SPHKAP: variants seen among roughly 807,000 people sequenced by gnomAD.
SPHKAP encodes SPHK1 interactor, AKAP domain containing.
SPHKAP carries 67 observed loss-of-function variants against 137.5 expected under a neutral mutation model. That is an observed-to-expected ratio of 0.49 (90% CI 0.40 to 0.60). The LOEUF (loss-of-function observed/expected upper bound fraction) is 0.60, where lower values mean the gene tolerates loss of function less well. Among genes scored for constraint, SPHKAP ranks in the 20% least tolerant of loss-of-function variants. The probability of loss-of-function intolerance (pLI) is 0.00; values close to 1 mark genes in which losing one functional copy is unlikely to be tolerated. For synonymous variants in SPHKAP, 813 were observed against 785.3 expected (o/e 1.04, Z -0.59); for missense variants, 2,097 against 2,069.3 (o/e 1.01, Z -0.26).
chr2:227,995,729 A>G, intron 7 of SPHKAP, 35 bp from the exon 8 acceptor site: 1 of 1,507,360 alleles, frequency 6.6e-7, no homozygotes, highest in Non-Finnish European at 8.8e-7. Flanking sequence ...CAAGAGAGGC[A>G]GCACACACAC....
rs748262066 is a variant in SPHKAP at position 228,019,256 on chromosome 2, C to G, written c.1598G>C (p.Ser533Thr). The G allele has an allele frequency of 1.9e-6, 3 of 1,613,854 alleles. No homozygotes were observed. The highest frequency in any genetic ancestry group is 1.7e-6 in the Non-Finnish European group (2 of 1,180,038). The change falls in exon 7 of 12, where the codon AGT (serine) becomes ACT (threonine). Residue 533 changes from serine to threonine, a missense_variant. Transcript: ENST00000392056. ...QVVSNFPPGS[S>T]GALQTQAPQG... is the part of the protein sequence containing the mutation. ...GGGTGCTTGAGTTTGCAGTGCACCACTGCTCCCTGGGGGAAAGTTCGAGAC... is the reference window on the plus strand; with the variant it reads ...GGGTGCTTGAGTTTGCAGTGCACCAGTGCTCCCTGGGGGAAAGTTCGAGAC...
At position 228,019,786 on chromosome 2, in the gene SPHKAP, T is replaced by C. The variant is rs753114636; in HGVS notation, c.1068A>G (p.Ala356=). 4 of 1,614,136 alleles carry C rather than the reference T, an allele frequency of 2.5e-6. No individual in the cohort carries two copies. The highest frequency in any genetic ancestry group is 1.1e-5 in the South Asian group (1 of 91,072). The change falls in exon 7 of 12, where the codon GCA becomes GCG. Residue 356 remains alanine (A), a synonymous_variant. Transcript: ENST00000392056. ...TGCTTCTCTGCTCTGCCACAGCACA[T>C]GCAGAAGGTACATCTTTATCCATCA... ...FSMMDKDVPS[A]CAVAEQRSNL...
chr2:228,091,943 A>G (rs180940085), intron 3 of SPHKAP, among the ~76,000 whole-genome samples: 24 of 152,168 alleles, frequency 1.6e-4, no homozygotes, highest in African/African-American at 5.5e-4. Flanking sequence ...AAAAGAAGTC[A>G]CCATACAAAA....
chr2:228,123,727 CTTTAG>C (rs1452206541), intron 2 of SPHKAP, among the ~76,000 whole-genome samples: 1 of 152,054 alleles, frequency 6.6e-6, no homozygotes, highest in Non-Finnish European at 1.5e-5. Flanking sequence ...TGCAGAAGCT[CTTTAG>C]TTTAATTAGA....
chr2:228,177,000 T>TA (rs147088472), intron 1 of SPHKAP, among the ~76,000 whole-genome samples: 6,251 of 152,214 alleles, frequency 0.041, 172 homozygotes, highest in Non-Finnish European at 0.062. Context: ...AAGAAAAAAC[T>TA]CAGTTCAAAT....
rs1340462372 is a variant in SPHKAP, at chr2:228,006,347, G to A, written c.4448+10059C>T. Among the ~76,000 whole-genome samples the A allele has an allele frequency of 2.0e-5, 3 of 152,078 alleles. No individual in the cohort carries two copies. In the East Asian group the frequency reaches 5.8e-4, roughly 29 times the overall value. On this transcript the variant is annotated intron_variant, in intron 7 of 11. Transcript: ENST00000392056. ...TTGATCGAATCGGCTACTGAAGCTT[G>A]TGCATTCATCATGTAATTCTCGTGC...
intron 1 of SPHKAP, among the ~76,000 whole-genome samples, chr2:228,171,715 C>T (rs1387115010): frequency 1.3e-5 from 2 of 152,244 alleles, no homozygotes; most frequent in South Asian, 2.1e-4. Flanking sequence ...CCCAGCTGTA[C>T]TCACTGTGTA....
At chr2:228,003,032 G>A (rs994869344) in intron 7 of SPHKAP, among the ~76,000 whole-genome samples, 37 of 152,200 alleles carry the variant, frequency 2.4e-4, no homozygotes, top group Non-Finnish European at 4.7e-4. Flanking sequence ...TTTGGCTTAG[G>A]ATTGACTTGG....
intron 3 of SPHKAP, among the ~76,000 whole-genome samples, chr2:228,031,198 AAC>A (rs1695298784): frequency 6.6e-6 from 1 of 152,210 alleles, no homozygotes; most frequent in African/African-American, 2.4e-5. Context: ...GGGCTTAAAA[AAC>A]AGCACACCAG....
chr2:228,144,131 G>A lies in SPHKAP; in HGVS notation c.33-12046C>T, dbSNP rs540058873. On this transcript the variant is annotated intron_variant, in intron 1 of 11. Coordinates refer to ENST00000392056, the MANE Select transcript of SPHKAP (RefSeq NM_001142644.2). ...TTCTCAAATGTCACCTTCTCAATGA[G>A]ACTTCCTCTGACTCCCCTAACTAGA... Among the ~76,000 whole-genome samples the A allele has an allele frequency of 2.0e-5, 3 of 152,190 alleles. No homozygotes were observed. In the South Asian group the frequency reaches 6.2e-4, roughly 32 times the overall value.
At chr2:228,113,584 C>G (rs1035951471) in intron 2 of SPHKAP, among the ~76,000 whole-genome samples, 4 of 137,516 alleles carry the variant, frequency 2.9e-5, no homozygotes, top group Non-Finnish European at 4.9e-5. Context: ...CTACCAAATC[C>G]CAGTCTATGC....
At chr2:228,067,655 G>A (rs1696870057) in intron 3 of SPHKAP, among the ~76,000 whole-genome samples, 1 of 152,056 alleles carries the variant, frequency 6.6e-6, no homozygotes, top group South Asian at 2.1e-4. Flanking sequence ...TTTTTATATT[G>A]AGCAGGTACA....
intron 3 of SPHKAP, among the ~76,000 whole-genome samples, chr2:228,105,368 G>A (rs1698306696): frequency 6.6e-6 from 1 of 152,022 alleles, no homozygotes; most frequent in Admixed American, 6.6e-5. Context: ...TCAGCTGTTG[G>A]GTTTTGGAGA....
rs1383059613 is a variant in SPHKAP at position 228,001,943 on chromosome 2, C to A, written c.4449-6249G>T. On this transcript the variant is annotated intron_variant, in intron 7 of 11. Coordinates refer to ENST00000392056, the MANE Select transcript of SPHKAP (RefSeq NM_001142644.2). ...CATAGTATTCCATAGTGTATATGTG[C>A]CACATTTTCTTAATCCAGTCTATCA... Among the ~76,000 whole-genome samples, 4 of 152,094 alleles carry A rather than the reference C, an allele frequency of 2.6e-5. No homozygotes were observed. The East Asian group carries it at 7.7e-4, about 29-fold the overall frequency.
chr2:228,162,402 C>T (rs562480432), intron 1 of SPHKAP, among the ~76,000 whole-genome samples: 6 of 152,128 alleles, frequency 3.9e-5, no homozygotes, highest in Admixed American at 3.9e-4. Flanking sequence ...TCTAACTGGC[C>T]AAATCAAGTG....
At chr2:227,982,624 A>G (rs1350284333) in intron 11 of SPHKAP, among the ~76,000 whole-genome samples, 1 of 152,226 alleles carries the variant, frequency 6.6e-6, no homozygotes, top group Non-Finnish European at 1.5e-5. Flanking sequence ...TTTTGAGGAA[A>G]GATGTAATGA....
chr2:228,068,869 G>A, intron 3 of SPHKAP, among the ~76,000 whole-genome samples: 1 of 152,146 alleles, frequency 6.6e-6, no homozygotes, highest in East Asian at 1.9e-4. Context: ...TAAAAGAATG[G>A]TTTTCAGTTT....
chr2:228,005,821 C>T (rs966992235), intron 7 of SPHKAP, among the ~76,000 whole-genome samples: 5 of 152,146 alleles, frequency 3.3e-5, no homozygotes, highest in Non-Finnish European at 5.9e-5. Context: ...CTTAGTTTGG[C>T]TGGATATGAA....
At chr2:228,161,293 GGAA>G (rs1486794992) in intron 1 of SPHKAP, among the ~76,000 whole-genome samples, 1 of 152,228 alleles carries the variant, frequency 6.6e-6, no homozygotes, top group African/African-American at 2.4e-5. Flanking sequence ...AGCCTGGATA[GGAA>G]GACAGGGTGA....
Sources: gnomAD v4.1 joint callset for allele counts (sites outside exome capture counted in the v4.1 genomes callset) on GRCh38, gnomAD v4.1.1 for gene constraint, MANE v1.5 for transcripts, NCBI Gene and HGNC (gene_info 2026-07-23, HGNC 2026-07-21) for gene names.